Variants in ANP32A observed in about 807,000 individuals in gnomAD.
ANP32A encodes the protein acidic nuclear phosphoprotein 32 family member A, also known as acidic leucine-rich nuclear phosphoprotein 32 family member A.
In ANP32A, 1 loss-of-function variant was observed where a neutral mutation model predicts 33.9. The ratio of observed to expected loss-of-function variants is 0.03; its 90% CI spans 0.01 to 0.14. ANP32A has a LOEUF of 0.14. Ranked by LOEUF, ANP32A falls within the 10% of genes least tolerant of loss-of-function variation. The probability of loss-of-function intolerance (pLI) is 1.00; values close to 1 mark genes in which losing one functional copy is unlikely to be tolerated. For synonymous variants in ANP32A, 115 were observed against 120.5 expected (o/e 0.95, Z 0.30); for missense variants, 155 against 306.0 (o/e 0.51, Z 3.68).
In ANP32A at chr15:68,785,320, C is replaced by T. The variant is rs571706797; in HGVS notation, c.328-725G>A. ...CCAGACGGGTTCTAGCCAATGTTAT[C>T]CCTGTTTGATGGTAGAGGAAACTGA... is the stretch of plus-strand genomic sequence containing the variant. On this transcript the variant is annotated intron_variant, in intron 3 of 6. Transcript: ENST00000465139. Among the ~76,000 whole-genome samples, 276 of 152,254 alleles carry T rather than the reference C, an allele frequency of 1.8e-3. 2 individuals are homozygous for T. Among genetic ancestry groups the T allele is most frequent in the Non-Finnish European group, 3.2e-3 (219 of 68,022 alleles).
At chr15:68,804,749 G>A (rs1303603008) in intron 1 of ANP32A, among the ~76,000 whole-genome samples, 3 of 152,156 alleles carry the variant, frequency 2.0e-5, no homozygotes, top group Non-Finnish European at 4.4e-5. Context: ...TCCTGGCCTC[G>A]TGATCCACCT....
At chr15:68,814,948 C>T (rs1382311075) in intron 1 of ANP32A, among the ~76,000 whole-genome samples, 1 of 152,184 alleles carries the variant, frequency 6.6e-6, no homozygotes, top group Non-Finnish European at 1.5e-5. Flanking sequence ...AGTGACCATT[C>T]AACTACAAGA....
intron 1 of ANP32A, chr15:68,791,393 G>C (rs376336152): frequency 6.6e-6 from 1 of 152,276 alleles, no homozygotes; most frequent in Non-Finnish European, 1.5e-5. Flanking sequence ...CTCTTACGAC[G>C]GGTAAGGAAA....
At chr15:68,793,133 T>C (rs979626466) in intron 1 of ANP32A, among the ~76,000 whole-genome samples, 2 of 152,154 alleles carry the variant, frequency 1.3e-5, no homozygotes, top group African/African-American at 4.8e-5. Context: ...CATCCGATCC[T>C]CCTAGAGGTC....
chr15:68,782,237 C>T (rs1286132535), intron 5 of ANP32A, among the ~76,000 whole-genome samples: 5 of 152,192 alleles, frequency 3.3e-5, no homozygotes, highest in African/African-American at 7.2e-5. Context: ...AGGGTGTGAA[C>T]GCCTACAATA....
chr15:68,789,248 T>C (rs1440737722), intron 1 of ANP32A: 1 of 152,744 alleles, frequency 6.5e-6, no homozygotes, highest in Non-Finnish European at 1.5e-5. Context: ...CTTACCAATG[T>C]CAACTGGATT....
At chr15:68,812,827 TTC>T (rs1230021862) in intron 1 of ANP32A, 1 of 152,138 alleles carries the variant, frequency 6.6e-6, no homozygotes, top group Admixed American at 6.5e-5. Flanking sequence ...TAAAATGTAT[TTC>T]TCACTACTAG....
At chr15:68,792,727 G>A (rs2140363145) in intron 1 of ANP32A, among the ~76,000 whole-genome samples, 1 of 152,288 alleles carries the variant, frequency 6.6e-6, no homozygotes, top group East Asian at 1.9e-4. Context: ...GGATGGAAGT[G>A]GTCAAGAGGC....
At chr15:68,811,768 C>T (rs1191002201) in intron 1 of ANP32A, among the ~76,000 whole-genome samples, 1 of 152,166 alleles carries the variant, frequency 6.6e-6, no homozygotes, top group East Asian at 1.9e-4. Flanking sequence ...CCGAGTTTCG[C>T]TCGTTGCCCA....
intron 1 of ANP32A, among the ~76,000 whole-genome samples, chr15:68,805,954 T>C (rs1894215681): frequency 6.6e-6 from 1 of 152,058 alleles, no homozygotes; most frequent in South Asian, 2.1e-4. Context: ...CAGTACAGAG[T>C]CGGCATTCAT....
chr15:68,793,385 C>T (rs140065034), intron 1 of ANP32A, among the ~76,000 whole-genome samples: 60 of 152,144 alleles, frequency 3.9e-4, no homozygotes, highest in Non-Finnish European at 7.5e-4. Context: ...CCCTGAGAGG[C>T]AGGTCAGCTG....
chr15:68,809,777 G>A (rs1053174380), intron 1 of ANP32A, among the ~76,000 whole-genome samples: 6 of 152,150 alleles, frequency 3.9e-5, no homozygotes, highest in African/African-American at 1.4e-4. Context: ...TGACAAGAAG[G>A]TATAAGTACC....
chr15:68,802,721 C>T (rs1400951312), intron 1 of ANP32A, among the ~76,000 whole-genome samples: 1 of 152,186 alleles, frequency 6.6e-6, no homozygotes, highest in Admixed American at 6.5e-5. Flanking sequence ...GACGCCATCT[C>T]GGCTCAGCGC....
intron 3 of ANP32A, among the ~76,000 whole-genome samples, chr15:68,785,975 C>T (rs187935321): frequency 6.6e-6 from 1 of 152,310 alleles, no homozygotes; most frequent in Admixed American, 6.5e-5. Flanking sequence ...GTGGGAAGCA[C>T]ATTCTACTAG....
intron 1 of ANP32A, 108 bp from the exon 2 acceptor site, chr15:68,788,027 C>G (rs1893954622): frequency 7.4e-7 from 1 of 1,346,766 alleles, no homozygotes. Context: ...AGGAAGCAGT[C>G]AGTCACTCCG....
chr15:68,807,598 T>C (rs1894252753), intron 1 of ANP32A, among the ~76,000 whole-genome samples: 1 of 152,038 alleles, frequency 6.6e-6, no homozygotes, highest in East Asian at 1.9e-4. Context: ...CCCCCACCGC[T>C]GACCAAACAG....
Position 68,779,400 on chromosome 15 carries a change from G to A in ANP32A, c.*681C>T, listed in dbSNP as rs1329431017. On this transcript the variant is annotated 3_prime_UTR_variant, in exon 7 of 7. Coordinates refer to ENST00000465139, the MANE Select transcript of ANP32A (RefSeq NM_006305.4). ...TTTAATTACCAAATCCATTTTCCTT[G>A]TAACTTAACACAACAAGCCTGCGGT... 2.0e-5 allele frequency: 3 copies of A among 151,842 alleles called. No individual in the cohort carries two copies. The East Asian group carries it at 5.8e-4, about 29-fold the overall frequency. 9.4% of individuals were successfully genotyped at this position (151,842 alleles called of 1,614,324 possible). A position where few individuals can be genotyped will look rare whatever the true frequency, so the allele number is the denominator to read the frequency against.
intron 3 of ANP32A, among the ~76,000 whole-genome samples, chr15:68,785,783 T>C (rs1893924370): frequency 6.6e-6 from 1 of 152,210 alleles, no homozygotes; most frequent in South Asian, 2.1e-4. Flanking sequence ...TGACCCCTAA[T>C]GGTGACTGAA....
intron 1 of ANP32A, among the ~76,000 whole-genome samples, chr15:68,819,391 C>G (rs768859029): frequency 6.6e-6 from 1 of 152,258 alleles, no homozygotes; most frequent in African/African-American, 2.4e-5. Flanking sequence ...CTCACCTTCC[C>G]CCTCCTCAGG....
Sources: allele counts gnomAD v4.1 joint callset (sites outside exome capture counted in the v4.1 genomes callset), GRCh38; gene constraint gnomAD v4.1.1; transcripts MANE v1.5; gene names NCBI Gene and HGNC (gene_info 2026-07-23, HGNC 2026-07-21).